KIF27: variants seen among roughly 807,000 people sequenced by gnomAD.
KIF27 encodes kinesin-like protein KIF27.
A neutral mutation model predicts 141.8 loss-of-function variants in KIF27; 84 were observed. The observed-to-expected ratio is 0.59, with a 90% CI of 0.50 to 0.71. The LOEUF (loss-of-function observed/expected upper bound fraction) is 0.71, where lower values mean the gene tolerates loss of function less well. Ranked by LOEUF, KIF27 falls within the 30% of genes least tolerant of loss-of-function variation. KIF27 has a pLI of 0.00. For synonymous variants in KIF27, 471 were observed against 569.5 expected (o/e 0.83, Z 2.46); for missense variants, 1,306 against 1,628.4 (o/e 0.80, Z 3.41).
intron 13 of KIF27, 30 bp downstream of exon 13, chr9:83,867,654 C>G (rs200339689): frequency 3.9e-5 from 60 of 1,556,698 alleles, no homozygotes; most frequent in Non-Finnish European, 4.9e-5. Context: ...GGTTTACAAC[C>G]AGAATCAAGT....
rs35594736 is a variant in KIF27, at chr9:83,903,619, C to T, written c.899G>A (p.Arg300Gln). The change falls in exon 4 of 18, where the codon CGG becomes CAG. Residue 300 changes from arginine (R) to glutamine (Q), a missense_variant. Physicochemically the swap from Arg to Gln is conservative, Grantham distance 43. This residue lies in a region of KIF27 where 533 missense variants were observed against 565.6 expected (regional missense o/e 0.94). Transcript: ENST00000297814. Reference protein sequence around the residue: ...HIPYRDAKITRLLKDSLGGSA... With the variant: ...HIPYRDAKITQLLKDSLGGSA... ...GCCTCCCAGAGAATCTTTCAGAAGCCGGGTAATTTTAGCATCCCTATATGG... is the reference window on the plus strand; with the variant it reads ...GCCTCCCAGAGAATCTTTCAGAAGCTGGGTAATTTTAGCATCCCTATATGG... 1.0e-3 allele frequency: 1,614 copies of T among 1,614,056 alleles called. 13 individuals are homozygous for T. The highest frequency in any genetic ancestry group is 5.0e-3 in the African/African-American group (374 of 75,014).
At chr9:83,898,420 C>T (rs1006062516) in intron 5 of KIF27, among the ~76,000 whole-genome samples, 3 of 151,968 alleles carry the variant, frequency 2.0e-5, no homozygotes, top group Non-Finnish European at 2.9e-5. Flanking sequence ...TTGAAGGATA[C>T]ATATTTAGAT....
Position 83,870,694 on chromosome 9 carries a change from T to G in KIF27, c.2644-62A>C. The stretch of plus-strand genomic sequence containing the variant: ...TACACCTGACCATTAAGTATGCTGA[T>G]GACAATTATTTTCTTTTTTTTTTTT... On this transcript the variant is annotated intron_variant, in intron 11 of 17. Transcript: ENST00000297814. 5.3e-6 allele frequency: 8 copies of G among 1,514,876 alleles called. No homozygotes were observed. The South Asian group carries it at 1.0e-4, about 20-fold the overall frequency. The allele number at this position is 1,514,876 out of a possible 1,614,324, so 93.8% of individuals were successfully genotyped here.
intron 15 of KIF27, among the ~76,000 whole-genome samples, chr9:83,852,419 C>T (rs1948712409): frequency 3.3e-5 from 5 of 149,744 alleles, no homozygotes; most frequent in Admixed American, 2.7e-4. Context: ...CGCCACTGCA[C>T]TCCAGCCTGG....
intron 3 of KIF27, among the ~76,000 whole-genome samples, chr9:83,906,525 G>C (rs1954554903): frequency 1.3e-5 from 2 of 152,018 alleles, no homozygotes; most frequent in Admixed American, 6.6e-5. Flanking sequence ...CAGATCTCTT[G>C]AGCCCAAGAG....
rs574134532 is a variant in KIF27, at chr9:83,915,376, G to A, written c.216C>T (p.Leu72=). The A allele has an allele frequency of 3.1e-6, 5 of 1,613,818 alleles. No homozygotes were observed. The Admixed American group carries it at 5.0e-5, about 16-fold the overall frequency. Residue 72 remains leucine, a synonymous_variant, in exon 2 of 18, where the codon CTC becomes CTT. Transcript: ENST00000297814. ...NTCIKPLVLS[L]IEGYNATVFA... ...AAACAGTTGCATTATAGCCCTCAATGAGTGACAACACTAGGGGCTTTATAC... is the reference window on the plus strand; with the variant it reads ...AAACAGTTGCATTATAGCCCTCAATAAGTGACAACACTAGGGGCTTTATAC...
Position 83,834,313 on chromosome 9 carries a change from T to TGAGA in KIF27, c.*2684_*2687dup, listed in dbSNP as rs1187973271. Reference sequence around the variant, plus strand: ...GTGTCTAATTTTTTTCTTTCCTTTGTGAGAACACCGACTAAACTAGAATGA... The same window carrying TGAGA: ...GTGTCTAATTTTTTTCTTTCCTTTGTGAGAGAGAACACCGACTAAACTAGAATGA... On this transcript the variant is annotated 3_prime_UTR_variant, in exon 18 of 18. Transcript: ENST00000297814. 4.6e-5 allele frequency among the ~76,000 whole-genome samples: 7 copies of TGAGA among 152,112 alleles called. No homozygotes were observed. Among genetic ancestry groups the TGAGA allele is most frequent in the Non-Finnish European group, 1.0e-4 (7 of 67,970 alleles).
At chr9:83,916,662 CTTT>C (rs34391682) in intron 1 of KIF27, among the ~76,000 whole-genome samples, 5 of 123,020 alleles carry the variant, frequency 4.1e-5, no homozygotes, top group Admixed American at 1.6e-4. Flanking sequence ...ACAATGAACA[CTTT>C]TTTTTTTTTT....
chr9:83,880,721 T>G (rs1354687193), intron 10 of KIF27, among the ~76,000 whole-genome samples: 1 of 152,206 alleles, frequency 6.6e-6, no homozygotes, highest in Non-Finnish European at 1.5e-5. Context: ...TCATGAGACT[T>G]CCTGATGTGG....
At chr9:83,842,550 C>G in intron 16 of KIF27, 149 bp from the exon 17 acceptor site, 1 of 1,068,748 alleles carries the variant, frequency 9.4e-7, no homozygotes, top group Non-Finnish European at 1.2e-6. Flanking sequence ...ACTGTAAGCT[C>G]CGCCTCCCAG....
In KIF27 at chr9:83,870,741, C is replaced by T. The variant is rs180813868; in HGVS notation, c.2644-109G>A. The stretch of plus-strand genomic sequence containing the variant: ...TTTTTTTTTTTTGGAGACAAGCTCT[C>T]GCTCTGTCACCCAGGCTGGAGTGCA... On this transcript the variant is annotated intron_variant, in intron 11 of 17. Transcript: ENST00000297814. 27 of 1,420,424 alleles carry T rather than the reference C, an allele frequency of 1.9e-5. 1 individual carries two copies. Among genetic ancestry groups the T allele is most frequent in the East Asian group, 1.6e-4 (6 of 38,290 alleles). The allele number at this position is 1,420,424 out of a possible 1,614,324, so 88.0% of individuals were successfully genotyped here. A position where few individuals can be genotyped will look rare whatever the true frequency, so the allele number is the denominator to read the frequency against.
intron 15 of KIF27, among the ~76,000 whole-genome samples, chr9:83,853,423 C>T (rs1044115852): frequency 1.3e-5 from 2 of 152,186 alleles, no homozygotes; most frequent in African/African-American, 4.8e-5. Flanking sequence ...TTAAGAACCT[C>T]ACAAAGTTAG....
Position 83,834,592 on chromosome 9 carries a change from T to C in KIF27, c.*2409A>G, listed in dbSNP as rs1945598416. On this transcript the variant is annotated 3_prime_UTR_variant, in exon 18 of 18. Transcript: ENST00000297814. ...TGTATTTCCACAGGTAAAACAAGTATGTGTTAATTTCTTGAGCAAGTAGGA... is the reference window on the plus strand; with the variant it reads ...TGTATTTCCACAGGTAAAACAAGTACGTGTTAATTTCTTGAGCAAGTAGGA... Among the ~76,000 whole-genome samples the C allele has an allele frequency of 6.6e-6, 1 of 152,022 alleles. No individual in the cohort carries two copies. Among genetic ancestry groups the C allele is most frequent in the South Asian group, 2.1e-4 (1 of 4,834 alleles).
chr9:83,913,240 T>C (rs1955359425), intron 2 of KIF27, among the ~76,000 whole-genome samples: 1 of 152,104 alleles, frequency 6.6e-6, no homozygotes, highest in South Asian at 2.1e-4. Context: ...AAAATACATT[T>C]TAAAATAAGA....
At chr9:83,848,033 CT>C (rs1947542754) in intron 16 of KIF27, 2 of 112,210 alleles carry the variant, frequency 1.8e-5, no homozygotes, top group Non-Finnish European at 3.7e-5. Flanking sequence ...ATATCTATAT[CT>C]ATATATATCT....
intron 11 of KIF27, among the ~76,000 whole-genome samples, chr9:83,874,281 TA>T (rs920445224): frequency 6.6e-6 from 1 of 152,156 alleles, no homozygotes; most frequent in African/African-American, 2.4e-5. Flanking sequence ...AATGGGTGGT[TA>T]AAAAGCTTAA....
chr9:83,874,229 A>G (rs1172213458), intron 11 of KIF27, among the ~76,000 whole-genome samples: 4 of 152,154 alleles, frequency 2.6e-5, no homozygotes, highest in Non-Finnish European at 5.9e-5. Context: ...CAACAATCCT[A>G]TGATATAGGG....
At position 83,903,876 on chromosome 9, in the gene KIF27, G is replaced by T; in HGVS notation, c.642C>A (p.Ser214Arg). Residue 214 changes from serine to arginine, a missense_variant, in exon 4 of 18, where the codon AGC (serine) becomes AGA (arginine). Physicochemically the swap from Ser to Arg is moderately radical, Grantham distance 110 (BLOSUM62 -1). Transcript: ENST00000297814. Reference protein sequence around the residue: ...SSRSHAIFTISICQVHKNMEA... With the variant: ...SSRSHAIFTIRICQVHKNMEA... ...CCATATTTTTATGAACTTGACAAAT[G>T]CTGATTGTAAAAATTGCATGTGATC... The T allele has an allele frequency of 6.2e-7, 1 of 1,614,106 alleles. No individual in the cohort carries two copies. Among genetic ancestry groups the T allele is most frequent in the Admixed American group, 1.7e-5 (1 of 60,014 alleles).
chr9:83,908,370 G>A (rs1954784510), intron 3 of KIF27, 82 bp downstream of exon 3: 1 of 705,002 alleles, frequency 1.4e-6, no homozygotes, highest in South Asian at 3.2e-5. Flanking sequence ...AAGATTCCTT[G>A]GAATATATCC....
Sources: gnomAD v4.1 joint callset for allele counts (sites outside exome capture counted in the v4.1 genomes callset) on GRCh38, gnomAD v4.1.1 for gene constraint, gnomAD v4.1.1 regional missense constraint, MANE v1.5 for transcripts, NCBI Gene and HGNC (gene_info 2026-07-23, HGNC 2026-07-21) for gene names.